KLHL29: variants seen among roughly 807,000 people sequenced by gnomAD.
KLHL29 encodes the protein kelch like family member 29.
In KLHL29, 21 loss-of-function variants were observed where a neutral mutation model predicts 80.4. The ratio of observed to expected loss-of-function variants is 0.26; its 90% CI spans 0.19 to 0.38. The LOEUF (loss-of-function observed/expected upper bound fraction) is 0.38. Among genes scored for constraint, KLHL29 ranks in the 10% least tolerant of loss-of-function variants. The pLI is 1.00. For missense variants in KLHL29, 867 were observed against 1,223.9 expected (o/e 0.71, Z 4.35); for synonymous variants, 511 against 526.8 (o/e 0.97, Z 0.41).
At chr2:23,531,021 G>A (rs959635125) in intron 2 of KLHL29, among the ~76,000 whole-genome samples, 3 of 152,222 alleles carry the variant, frequency 2.0e-5, no homozygotes, top group Non-Finnish European at 4.4e-5. Flanking sequence ...AGAAGGGTTC[G>A]TTTTCTATCT....
In KLHL29 at chr2:23,702,105, G is replaced by A. The variant is rs114319521; in HGVS notation, c.2106-1081G>A. Among the ~76,000 whole-genome samples the A allele has an allele frequency of 5.6e-3, 853 of 152,136 alleles. 9 individuals are homozygous for A. Among genetic ancestry groups the A allele is most frequent in the Non-Finnish European group, 5.4e-3 (367 of 68,012 alleles). On this transcript the variant is annotated intron_variant, in intron 11 of 13. Transcript: ENST00000486442. ...CCCAAAGTGCTGGGATGATAGGCGT[G>A]AGCCATCGCGCCCAGCCCACATGGC...
intron 3 of KLHL29, among the ~76,000 whole-genome samples, chr2:23,636,866 A>C (rs922462252): frequency 1.3e-5 from 2 of 152,164 alleles, no homozygotes; most frequent in South Asian, 4.1e-4. Flanking sequence ...CCCAAACTCG[A>C]GGAGACCCCA....
intron 3 of KLHL29, among the ~76,000 whole-genome samples, chr2:23,622,389 C>G (rs953012635): frequency 1.3e-5 from 2 of 152,228 alleles, no homozygotes; most frequent in African/African-American, 4.8e-5. Flanking sequence ...GCTCACATCA[C>G]AGCATGTGAT....
intron 2 of KLHL29, among the ~76,000 whole-genome samples, chr2:23,556,645 T>C (rs1667304123): frequency 1.4e-5 from 2 of 145,264 alleles, no homozygotes. Context: ...AGAGCAAGAC[T>C]CCATCTCAAA....
intron 5 of KLHL29, among the ~76,000 whole-genome samples, chr2:23,657,440 T>A (rs1428367154): frequency 6.6e-6 from 1 of 152,336 alleles, no homozygotes; most frequent in East Asian, 1.9e-4. Flanking sequence ...AATAAAGTAT[T>A]CTGCAGTCAA....
chr2:23,452,789 C>T (rs1238399523), intron 1 of KLHL29, among the ~76,000 whole-genome samples: 1 of 152,142 alleles, frequency 6.6e-6, no homozygotes, highest in Non-Finnish European at 1.5e-5. Flanking sequence ...AAATGTATCC[C>T]TCAACGCTGA....
At chr2:23,690,885 C>G (rs183674051) in intron 6 of KLHL29, 2 of 152,374 alleles carry the variant, frequency 1.3e-5, no homozygotes, top group African/African-American at 4.8e-5. Context: ...CCTGCTCCCC[C>G]CAGTTCCCCA....
chr2:23,533,416 T>C (rs1397744227), intron 2 of KLHL29, among the ~76,000 whole-genome samples: 1 of 152,108 alleles, frequency 6.6e-6, no homozygotes, highest in Admixed American at 6.5e-5. Flanking sequence ...CTGTGGAGAC[T>C]TGTAGCTCCT....
intron 1 of KLHL29, among the ~76,000 whole-genome samples, chr2:23,456,697 A>G (rs1664063557): frequency 6.6e-6 from 1 of 152,228 alleles, no homozygotes; most frequent in Non-Finnish European, 1.5e-5. Flanking sequence ...ATGCAGCGTT[A>G]TCGCTGCTGT....
intron 3 of KLHL29, among the ~76,000 whole-genome samples, chr2:23,588,432 G>T (rs1668171418): frequency 6.6e-6 from 1 of 152,168 alleles, no homozygotes; most frequent in Non-Finnish European, 1.5e-5. Context: ...GCCCGCCTGG[G>T]CCCTGGAGAC....
intron 2 of KLHL29, among the ~76,000 whole-genome samples, chr2:23,541,053 C>T (rs548222899): frequency 3.7e-4 from 57 of 152,292 alleles, no homozygotes; most frequent in African/African-American, 1.3e-3. Context: ...CTAATGGGCT[C>T]CCTGTGGGAA....
intron 2 of KLHL29, among the ~76,000 whole-genome samples, chr2:23,516,260 G>A (rs1032936757): frequency 2.0e-5 from 3 of 152,122 alleles, no homozygotes; most frequent in East Asian, 1.9e-4. Context: ...TGCTGGGCCC[G>A]GGACTGGGAA....
At chr2:23,692,697 A>G (rs1053964213) in intron 7 of KLHL29, among the ~76,000 whole-genome samples, 4 of 151,346 alleles carry the variant, frequency 2.6e-5, no homozygotes, top group African/African-American at 2.4e-5. Flanking sequence ...TGGGAGGGAC[A>G]GTATTGGGTA....
At position 23,642,668 on chromosome 2, in the gene KLHL29, G is replaced by A; in HGVS notation, c.758G>A (p.Gly253Asp). Residue 253 changes from glycine to aspartate, a missense_variant, in exon 5 of 14, where the codon GGC (glycine) becomes GAC (aspartate). By Grantham distance (94) the Gly-to-Asp change is moderately conservative. Transcript: ENST00000486442. The stretch of plus-strand genomic sequence containing the variant: ...GCCCGCCCAGGACCCACCGCTGTGG[G>A]CAACGGCCACATGGCAGGGCCCCTG... ...QVARPGPTAV[G>D]NGHMAGPLLP... 6.5e-7 allele frequency: 1 copy of A among 1,548,006 alleles called. No individual in the cohort carries two copies. The highest frequency in any genetic ancestry group is 8.7e-7 in the Non-Finnish European group (1 of 1,145,504).
chr2:23,520,236 G>T (rs538371920), intron 2 of KLHL29, among the ~76,000 whole-genome samples: 1 of 152,122 alleles, frequency 6.6e-6, no homozygotes, highest in African/African-American at 2.4e-5. Flanking sequence ...ACCTCAAAAC[G>T]GGGTACAGGG....
At chr2:23,475,447 C>T (rs1268706180) in intron 1 of KLHL29, 113 bp from the exon 2 acceptor site, 1 of 133,154 alleles carries the variant, frequency 7.5e-6, no homozygotes, top group Non-Finnish European at 1.6e-5. Context: ...GTGTGGGGAC[C>T]ACCCAGGATG....
chr2:23,568,013 T>TA, intron 3 of KLHL29, among the ~76,000 whole-genome samples: 1 of 152,328 alleles, frequency 6.6e-6, no homozygotes, highest in South Asian at 2.1e-4. Context: ...TTCATTGACT[T>TA]ACAACCCACC....
At chr2:23,591,230 C>T (rs1330567016) in intron 3 of KLHL29, among the ~76,000 whole-genome samples, 1 of 152,176 alleles carries the variant, frequency 6.6e-6, no homozygotes, top group Non-Finnish European at 1.5e-5. Context: ...GGGTGAGGAA[C>T]AGACAAGAGG....
At chr2:23,506,960 T>A (rs547013501) in intron 2 of KLHL29, 1 of 219,678 alleles carries the variant, frequency 4.6e-6, no homozygotes, top group Non-Finnish European at 1.1e-5. Context: ...GGGAGAAGAA[T>A]GCTGAACTTA....
Sources: allele counts gnomAD v4.1 joint callset (sites outside exome capture counted in the v4.1 genomes callset), GRCh38; gene constraint gnomAD v4.1.1; transcripts MANE v1.5; gene names NCBI Gene and HGNC (gene_info 2026-07-23, HGNC 2026-07-21).